Variants in PLSCR2 observed in about 807,000 individuals in gnomAD.
PLSCR2 encodes the protein PL scramblase 2.
In PLSCR2, 18 loss-of-function variants were observed where a neutral mutation model predicts 25.3. That is an observed-to-expected ratio of 0.71 (90% CI 0.49 to 1.06). The LOEUF is 1.06. Among genes scored for constraint, PLSCR2 ranks in the 50% least tolerant of loss-of-function variants. The pLI, the probability that PLSCR2 is intolerant of heterozygous loss-of-function variation, is 0.00. For synonymous variants in PLSCR2, 88 were observed against 87.3 expected (o/e 1.01, Z -0.04); for missense variants, 243 against 269.5 (o/e 0.90, Z 0.69).
At chr3:146,432,692 C>T (rs1419504886), downstream of PLSCR2, among the ~76,000 whole-genome samples, 3 of 151,994 alleles carry the variant, frequency 2.0e-5, no homozygotes, top group Non-Finnish European at 2.9e-5. Context: ...TTAAAGTGTG[C>T]TAAATTTGAT....
In PLSCR2 at chr3:146,469,780, A is replaced by AC. The variant is rs534916541; in HGVS notation, c.-292-9497dup. ...CCGAGCTGGGGGCGCGACTGCACCC[A>AC]CCCCCCCACGCCGTGTGCGACGCGC... On this transcript the variant is annotated intron_variant, in intron 1 of 8. Transcript: ENST00000336685. Among the ~76,000 whole-genome samples the AC allele has an allele frequency of 6.3e-3, 591 of 93,318 alleles. 3 individuals carry two copies. Among genetic ancestry groups the AC allele is most frequent in the Middle Eastern group, 0.017 (3 of 176 alleles). 61.2% of individuals were successfully genotyped at this position (93,318 alleles called of 152,430 possible). A position where few individuals can be genotyped will look rare whatever the true frequency, so the allele number is the denominator to read the frequency against.
At chr3:146,402,480 C>A (rs1438115714) in intron 2 of PLSCR2, among the ~76,000 whole-genome samples, 1 of 146,884 alleles carries the variant, frequency 6.8e-6, no homozygotes, top group African/African-American at 2.5e-5. Flanking sequence ...TTTTTTTTTT[C>A]TTTTTGAGAT....
intron 2 of PLSCR2, among the ~76,000 whole-genome samples, chr3:146,405,109 C>G (rs770432807): frequency 6.6e-5 from 10 of 152,050 alleles, no homozygotes; most frequent in Non-Finnish European, 1.5e-4. Context: ...AAAATTCTCT[C>G]AGCCCTGAAG....
intron 2 of PLSCR2, among the ~76,000 whole-genome samples, chr3:146,398,006 A>G (rs567730495): frequency 2.2e-4 from 34 of 152,116 alleles, no homozygotes; most frequent in East Asian, 9.6e-4. Flanking sequence ...GCTGTATCCA[A>G]ATTTCTTACT....
At chr3:146,419,868 CCTTAA>C (rs1272334689) in intron 2 of PLSCR2, among the ~76,000 whole-genome samples, 2 of 152,000 alleles carry the variant, frequency 1.3e-5, no homozygotes, top group East Asian at 3.9e-4. Context: ...TATTTGGAGC[CCTTAA>C]CTTAATCACA....
chr3:146,474,631 G>T (rs1485210311), intron 1 of PLSCR2, among the ~76,000 whole-genome samples: 1 of 152,004 alleles, frequency 6.6e-6, no homozygotes, highest in African/African-American at 2.4e-5. Flanking sequence ...TCTTCTCGTG[G>T]AGTATCTTAA....
At chr3:146,482,293 A>G (rs2043157699) in intron 1 of PLSCR2, among the ~76,000 whole-genome samples, 1 of 152,224 alleles carries the variant, frequency 6.6e-6, no homozygotes, top group Admixed American at 6.5e-5. Context: ...CAGGCAACCT[A>G]CAGAATGGGA....
chr3:146,393,651 CT>C (rs1367713372), intron 3 of PLSCR2, among the ~76,000 whole-genome samples: 1 of 151,322 alleles, frequency 6.6e-6, no homozygotes, highest in Non-Finnish European at 1.5e-5. Flanking sequence ...TCTACTAAAA[CT>C]ACAAAAATTA....
At chr3:146,455,111 T>C (rs1275679563) in intron 4 of PLSCR2, 128 bp downstream of exon 4, 9 of 650,654 alleles carry the variant, frequency 1.4e-5, no homozygotes, top group Non-Finnish European at 2.1e-5. Flanking sequence ...ACAATTGATT[T>C]GGAAGCCCAA....
downstream of PLSCR2, among the ~76,000 whole-genome samples, chr3:146,440,318 T>C (rs750038186): frequency 6.6e-6 from 1 of 152,178 alleles, no homozygotes; most frequent in Non-Finnish European, 1.5e-5. Flanking sequence ...ACAGGGACAT[T>C]TAAGTCCACA....
At chr3:146,458,352 CTT>C (rs780275277) in intron 3 of PLSCR2, 57 bp downstream of exon 3, 1 of 1,377,880 alleles carries the variant, frequency 7.3e-7, no homozygotes, top group Admixed American at 2.7e-5. Context: ...TTTGATGTAT[CTT>C]TATTTGCATA....
chr3:146,397,240 A>G (rs1204575616), intron 2 of PLSCR2, among the ~76,000 whole-genome samples: 2 of 152,166 alleles, frequency 1.3e-5, no homozygotes, highest in African/African-American at 4.8e-5. Context: ...TTGCAGAAAT[A>G]TAAGTAATGC....
intron 1 of PLSCR2, among the ~76,000 whole-genome samples, chr3:146,489,473 A>G (rs930269303): frequency 6.6e-5 from 10 of 152,124 alleles, no homozygotes; most frequent in Non-Finnish European, 1.5e-4. Flanking sequence ...TTCTTAGAGG[A>G]TAAAAATTTT....
intron 2 of PLSCR2, among the ~76,000 whole-genome samples, chr3:146,405,993 AT>A (rs995491790): frequency 5.3e-5 from 8 of 151,990 alleles, no homozygotes; most frequent in Non-Finnish European, 1.0e-4. Context: ...TGAGACCAGG[AT>A]TTTTTTTGGA....
At chr3:146,478,093 C>T (rs1218609001) in intron 1 of PLSCR2, among the ~76,000 whole-genome samples, 1 of 152,122 alleles carries the variant, frequency 6.6e-6, no homozygotes, top group African/African-American at 2.4e-5. Flanking sequence ...ACACCAAAAC[C>T]CCATCTGTAG....
chr3:146,489,983 C>A (rs527655493), intron 1 of PLSCR2, among the ~76,000 whole-genome samples: 186 of 152,192 alleles, frequency 1.2e-3, no homozygotes, highest in African/African-American at 3.5e-3. Context: ...CATTCCGGGT[C>A]TCCAAAACCT....
intron 2 of PLSCR2, among the ~76,000 whole-genome samples, chr3:146,418,598 T>G (rs1346796581): frequency 2.0e-5 from 3 of 152,294 alleles, no homozygotes; most frequent in Non-Finnish European, 2.9e-5. Flanking sequence ...GAGGCTCTAC[T>G]AGGTTTTGAG....
chr3:146,422,755 C>G (rs1413342139), intron 2 of PLSCR2, among the ~76,000 whole-genome samples: 1 of 152,102 alleles, frequency 6.6e-6, no homozygotes, highest in Admixed American at 6.6e-5. Context: ...GAACAAATTT[C>G]TCCCAAGACC....
At chr3:146,430,836 C>T (rs570563748), downstream of PLSCR2, among the ~76,000 whole-genome samples, 150 of 151,358 alleles carry the variant, frequency 9.9e-4, no homozygotes, top group African/African-American at 3.6e-3. Context: ...TCTTTATTCT[C>T]CCCCTTCCCC....
Sources: gnomAD v4.1 joint callset for allele counts (sites outside exome capture counted in the v4.1 genomes callset) on GRCh38, gnomAD v4.1.1 for gene constraint, MANE v1.5 for transcripts, NCBI Gene and HGNC (gene_info 2026-07-23, HGNC 2026-07-21) for gene names.